RGS22: variants seen among roughly 807,000 people sequenced by gnomAD.
The protein encoded by RGS22 is regulator of G protein signaling 22.
Under a neutral mutation model 172.9 loss-of-function variants are expected in RGS22, and 148 were observed. That is an observed-to-expected ratio of 0.86 (90% confidence interval 0.75 to 0.98). RGS22 has a LOEUF of 0.98. Among genes scored for constraint, RGS22 ranks in the 50% least tolerant of loss-of-function variants. The pLI is 0.00. For synonymous variants in RGS22, 458 were observed against 480.2 expected (o/e 0.95, Z 0.60); for missense variants, 1,347 against 1,440.8 (o/e 0.93, Z 1.05).
intron 11 of RGS22, among the ~76,000 whole-genome samples, chr8:100,047,051 A>G (rs1257110086): frequency 1.3e-5 from 2 of 152,136 alleles, no homozygotes; most frequent in African/African-American, 4.8e-5. Context: ...CCTAGGCTCA[A>G]GCAATCTGCC....
intron 2 of RGS22, among the ~76,000 whole-genome samples, chr8:100,104,651 A>G (rs911933305): frequency 7.2e-5 from 11 of 152,194 alleles, no homozygotes; most frequent in African/African-American, 2.4e-4. Flanking sequence ...CTATACAATC[A>G]TGCATGTTTG....
intron 22 of RGS22, among the ~76,000 whole-genome samples, chr8:99,981,235 TA>T (rs1213747105): frequency 1.3e-5 from 2 of 152,336 alleles, no homozygotes; most frequent in East Asian, 3.9e-4. Flanking sequence ...TTATTTATCT[TA>T]AAAAGAAGTA....
chr8:99,982,686 C>G (rs370008737), intron 21 of RGS22, among the ~76,000 whole-genome samples: 1 of 152,314 alleles, frequency 6.6e-6, no homozygotes, highest in East Asian at 1.9e-4. Flanking sequence ...ACTGGGCATG[C>G]TGGTTGTCAA....
chr8:99,995,220 A>T (rs374255439), intron 20 of RGS22, among the ~76,000 whole-genome samples: 33 of 152,296 alleles, frequency 2.2e-4, no homozygotes, highest in African/African-American at 9.6e-5. Flanking sequence ...GGACTTCATG[A>T]CTAAAACACC....
chr8:100,005,933 T>C lies in RGS22; in HGVS notation c.2454+84A>G, dbSNP rs1224951489. The stretch of plus-strand genomic sequence containing the variant: ...AACTGCCTATATGATCTCGTCACTC[T>C]ACAATCTCCCCCTGCCCCATACATA... On this transcript the variant is annotated intron_variant, in intron 16 of 27. Transcript: ENST00000360863. 3.2e-6 allele frequency: 3 copies of C among 925,218 alleles called. No homozygotes were observed. The Admixed American group carries it at 6.6e-5, about 20-fold the overall frequency. 57.3% of individuals were successfully genotyped at this position (925,218 alleles called of 1,614,324 possible).
At chr8:99,991,391 A>C (rs1178150074) in intron 20 of RGS22, among the ~76,000 whole-genome samples, 1 of 152,210 alleles carries the variant, frequency 6.6e-6, no homozygotes, top group Non-Finnish European at 1.5e-5. Context: ...TGAATGGCTA[A>C]CTAGAATAAA....
chr8:100,026,785 A>G (rs1268348358), intron 14 of RGS22, among the ~76,000 whole-genome samples: 1 of 152,252 alleles, frequency 6.6e-6, no homozygotes, highest in Non-Finnish European at 1.5e-5. Context: ...ACTAAAGGAC[A>G]GCAGCTTTTG....
chr8:99,996,429 T>C, intron 20 of RGS22, 33 bp downstream of exon 20: 1 of 1,574,464 alleles, frequency 6.4e-7, no homozygotes, highest in Non-Finnish European at 8.7e-7. Flanking sequence ...GAGCAAAACT[T>C]ACAAGAGGAA....
In RGS22 at chr8:100,002,184, A is replaced by T; in HGVS notation, c.2790+18T>A. The stretch of plus-strand genomic sequence containing the variant: ...GTTTTCAAACATCAATTAAAAAAAT[A>T]GGTTTGCATGTTGATACCTGGTTCT... On this transcript the variant is annotated intron_variant, in intron 18 of 27. Transcript: ENST00000360863. The T allele has an allele frequency of 1.3e-6, 2 of 1,511,628 alleles. No individual in the cohort carries two copies. Among genetic ancestry groups the T allele is most frequent in the Non-Finnish European group, 1.8e-6 (2 of 1,132,444 alleles). 93.6% of individuals were successfully genotyped at this position (1,511,628 alleles called of 1,614,324 possible).
chr8:100,075,299 G>A (rs145096823), intron 4 of RGS22, among the ~76,000 whole-genome samples: 1 of 152,254 alleles, frequency 6.6e-6, no homozygotes, highest in African/African-American at 2.4e-5. Context: ...AGTTCTCACT[G>A]TTAGTTCAGG....
chr8:100,003,381 A>T (rs1432852961), intron 17 of RGS22, among the ~76,000 whole-genome samples: 4 of 151,918 alleles, frequency 2.6e-5, no homozygotes, highest in African/African-American at 4.8e-5. Flanking sequence ...TATACAGTGA[A>T]ATTTGGCTCC....
At position 100,072,274 on chromosome 8, in the gene RGS22, C is replaced by A. The variant is rs1811043908; in HGVS notation, c.340-44G>T. On this transcript the variant is annotated intron_variant, in intron 4 of 27. Coordinates refer to ENST00000360863, the MANE Select transcript of RGS22 (RefSeq NM_015668.5). ...AAAGAAAAAGAAGGTCAGAGAAAAT[C>A]ACTTTTAGGATGATTAACACCTAAT... The A allele has an allele frequency of 3.1e-6, 4 of 1,278,974 alleles. No homozygotes were observed. In the African/African-American group the frequency reaches 4.5e-5, roughly 14 times the overall value. 79.2% of individuals were successfully genotyped at this position (1,278,974 alleles called of 1,614,324 possible).
At chr8:99,997,554 A>C (rs1320349379) in intron 19 of RGS22, among the ~76,000 whole-genome samples, 1 of 152,188 alleles carries the variant, frequency 6.6e-6, no homozygotes, top group Admixed American at 6.6e-5. Context: ...CAAATGACTA[A>C]GGATATTTCC....
chr8:99,974,529 G>A (rs1811712182), intron 23 of RGS22, among the ~76,000 whole-genome samples: 1 of 152,234 alleles, frequency 6.6e-6, no homozygotes, highest in Non-Finnish European at 1.5e-5. Context: ...GCCGGGTGCA[G>A]TGGCTCATGC....
At chr8:100,040,459 G>C (rs1398024831) in intron 12 of RGS22, among the ~76,000 whole-genome samples, 1 of 151,896 alleles carries the variant, frequency 6.6e-6, no homozygotes, top group Non-Finnish European at 1.5e-5. Context: ...GCCTTGAAGT[G>C]CTGCTATTAT....
chr8:99,962,580 G>T, intron 26 of RGS22, 107 bp downstream of exon 26: 2 of 1,386,994 alleles, frequency 1.4e-6, no homozygotes, highest in Non-Finnish European at 2.0e-6. Flanking sequence ...GGGTGGAGGG[G>T]TCGGTCCTCA....
chr8:100,080,679 C>T (rs1811687315), intron 3 of RGS22: 1 of 215,626 alleles, frequency 4.6e-6, no homozygotes, highest in East Asian at 1.2e-4. Context: ...CAATGTTATT[C>T]TCTTAGAAGG....
At chr8:100,049,187 G>A (rs997212691) in intron 10 of RGS22, among the ~76,000 whole-genome samples, 7 of 152,020 alleles carry the variant, frequency 4.6e-5, no homozygotes, top group South Asian at 2.1e-4. Flanking sequence ...AGCAGAGGGC[G>A]GTATAAAGGA....
At chr8:100,003,829 T>C in intron 17 of RGS22, 97 bp downstream of exon 17, 2 of 1,048,100 alleles carry the variant, frequency 1.9e-6, no homozygotes, top group East Asian at 2.7e-5. Flanking sequence ...ATGAGTAAAA[T>C]CTGTTATAGC....
Sources: allele counts gnomAD v4.1 joint callset (sites outside exome capture counted in the v4.1 genomes callset), GRCh38; gene constraint gnomAD v4.1.1; transcripts MANE v1.5; gene names NCBI Gene and HGNC (gene_info 2026-07-23, HGNC 2026-07-21).